The following SYNDIG1L variants were observed in gnomAD, a reference collection of about 807,000 sequenced individuals.
The protein encoded by SYNDIG1L is synapse differentiation inducing 1 like, also known as synapse differentiation-inducing gene protein 1-like.
SYNDIG1L carries 13 observed loss-of-function variants against 20.1 expected under a neutral mutation model. The observed-to-expected ratio is 0.65, with a 90% CI of 0.42 to 1.03. The LOEUF is 1.03. SYNDIG1L is among the 50% of genes least tolerant of loss of function. The pLI is 0.00. For missense variants in SYNDIG1L, 294 were observed against 305.1 expected (o/e 0.96, Z 0.27); for synonymous variants, 128 against 129.3 (o/e 0.99, Z 0.07).
At chr14:74,479,791 A>T in the SYNDIG1L span, 1 of 232,542 alleles carries the variant, frequency 4.3e-6, no homozygotes, top group Non-Finnish European at 8.5e-6. Flanking sequence ...TATAAAATAG[A>T]TATGGTCTTA....
the SYNDIG1L span, among the ~76,000 whole-genome samples, chr14:74,456,092 C>T: frequency 2.0e-5 from 3 of 152,222 alleles, no homozygotes; most frequent in Non-Finnish European, 4.4e-5. Context: ...CAGCTCTCTT[C>T]ACCAGATTGA....
At chr14:74,416,503 G>A (rs904262446) in intron 1 of SYNDIG1L, among the ~76,000 whole-genome samples, 1 of 152,034 alleles carries the variant, frequency 6.6e-6, no homozygotes, top group Non-Finnish European at 1.5e-5. Flanking sequence ...GTGTGGTGGT[G>A]CACACCTGTA....
rs1163349487 is a variant in SYNDIG1L, at chr14:74,426,111, C to A, written c.-257G>T. 1 of 148,368 alleles carries A rather than the reference C, an allele frequency of 6.7e-6. No individual in the cohort carries two copies. Among genetic ancestry groups the A allele is most frequent in the Non-Finnish European group, 1.5e-5 (1 of 66,338 alleles). 9.2% of individuals were successfully genotyped at this position (148,368 alleles called of 1,614,324 possible). On this transcript the variant is annotated 5_prime_UTR_variant, in exon 1 of 4. Coordinates refer to ENST00000331628, the MANE Select transcript of SYNDIG1L (RefSeq NM_001105579.2). ...CGCAGCCCGCCGCCGCCGCCCGCCC[C>A]GCCCCGCGCGGTCCCGGGAGCCCCG... is the stretch of plus-strand genomic sequence containing the variant.
At chr14:74,476,365 T>C in the SYNDIG1L span, 1 of 720,580 alleles carries the variant, frequency 1.4e-6, no homozygotes, top group Non-Finnish European at 2.5e-6. Context: ...CAGTCAGAGC[T>C]AAGCTGATCT....
In SYNDIG1L at chr14:74,414,842, C is replaced by T. The variant is rs544124277; in HGVS notation, c.-57-5041G>A. Among the ~76,000 whole-genome samples, 13 of 152,186 alleles carry T rather than the reference C, an allele frequency of 8.5e-5. No individual in the cohort carries two copies. The South Asian group carries it at 1.0e-3, about 12-fold the overall frequency. The stretch of plus-strand genomic sequence containing the variant: ...CAGACTAAGTCATGTCACGCCAAAC[C>T]GCCAATAACAGCTAGAAAAGTGGTG... On this transcript the variant is annotated intron_variant, in intron 1 of 3. Transcript: ENST00000331628.
At chr14:74,476,441 G>A in the SYNDIG1L span, 119 of 1,185,672 alleles carry the variant, frequency 1.0e-4, 2 homozygotes, top group East Asian at 5.1e-4. Context: ...GAAGGGAGCC[G>A]TCCTTCTCCA....
At chr14:74,446,257 A>T in the SYNDIG1L span, among the ~76,000 whole-genome samples, 2 of 152,348 alleles carry the variant, frequency 1.3e-5, no homozygotes, top group East Asian at 3.9e-4. Context: ...CAGCCTAAAT[A>T]TTCCAAGGTC....
At chr14:74,431,155 C>A (rs1289008460), upstream of SYNDIG1L, among the ~76,000 whole-genome samples, 2 of 152,070 alleles carry the variant, frequency 1.3e-5, no homozygotes, top group Non-Finnish European at 2.9e-5. Flanking sequence ...CCTGCAAATC[C>A]CTGATTGGAG....
In SYNDIG1L at chr14:74,407,473, A is replaced by C; in HGVS notation, c.*62T>G. On this transcript the variant is annotated 3_prime_UTR_variant, in exon 4 of 4. Coordinates refer to ENST00000331628, the MANE Select transcript of SYNDIG1L (RefSeq NM_001105579.2). Reference sequence around the variant, plus strand: ...GCCGGGCCTTTCCATAGGGTCTGCAACTCCAAGCCCCACTGCTTCCTCAGG... The same window carrying C: ...GCCGGGCCTTTCCATAGGGTCTGCACCTCCAAGCCCCACTGCTTCCTCAGG... 5.0e-6 allele frequency: 8 copies of C among 1,605,094 alleles called. No individual in the cohort carries two copies. The highest frequency in any genetic ancestry group is 6.8e-6 in the Non-Finnish European group (8 of 1,178,182).
chr14:74,431,322 T>C, the SYNDIG1L span, among the ~76,000 whole-genome samples: 4 of 152,116 alleles, frequency 2.6e-5, no homozygotes, highest in Non-Finnish European at 5.9e-5. Context: ...TCTCCCTCTG[T>C]GTAAAGGGAA....
the SYNDIG1L span, among the ~76,000 whole-genome samples, chr14:74,450,223 T>C: frequency 6.6e-6 from 1 of 152,164 alleles, no homozygotes; most frequent in Non-Finnish European, 1.5e-5. Flanking sequence ...AATTTGCAGT[T>C]AAAAATCTTC....
At chr14:74,472,086 C>G in the SYNDIG1L span, 1 of 152,170 alleles carries the variant, frequency 6.6e-6, no homozygotes, top group African/African-American at 2.4e-5. Context: ...TTTTGTATCC[C>G]TGGCATACTA....
chr14:74,433,426 C>G, the SYNDIG1L span, among the ~76,000 whole-genome samples: 3 of 152,120 alleles, frequency 2.0e-5, no homozygotes, highest in East Asian at 5.8e-4. Context: ...CTCTGTCACC[C>G]AGGCTGGAGT....
chr14:74,433,662 GGC>G, the SYNDIG1L span, among the ~76,000 whole-genome samples: 1 of 152,198 alleles, frequency 6.6e-6, no homozygotes, highest in Non-Finnish European at 1.5e-5. Flanking sequence ...TGGGATTACA[GGC>G]GGGAGCCACT....
chr14:74,433,126 A>AGGT, the SYNDIG1L span, among the ~76,000 whole-genome samples: 247 of 152,290 alleles, frequency 1.6e-3, no homozygotes, highest in African/African-American at 5.8e-3. Flanking sequence ...ACAATCATTG[A>AGGT]GATCTCTAAC....
chr14:74,437,344 G>A, the SYNDIG1L span, among the ~76,000 whole-genome samples: 1 of 152,178 alleles, frequency 6.6e-6, no homozygotes, highest in Non-Finnish European at 1.5e-5. Context: ...AATCGATCAT[G>A]AACAACAGTG....
At chr14:74,454,511 G>A in the SYNDIG1L span, among the ~76,000 whole-genome samples, 2 of 152,314 alleles carry the variant, frequency 1.3e-5, no homozygotes, top group Admixed American at 6.5e-5. Context: ...GAGCAGCCCT[G>A]AGAAGCTGGA....
intron 2 of SYNDIG1L, among the ~76,000 whole-genome samples, chr14:74,408,480 C>T (rs1241307598): frequency 1.3e-5 from 2 of 151,788 alleles, no homozygotes; most frequent in Admixed American, 6.6e-5. Flanking sequence ...AGGAGAATTG[C>T]CTGAACCTGG....
At chr14:74,462,673 T>C in the SYNDIG1L span, among the ~76,000 whole-genome samples, 6 of 151,928 alleles carry the variant, frequency 3.9e-5, no homozygotes, top group African/African-American at 1.5e-4. Flanking sequence ...GCTGGGCTAA[T>C]TTTTGTATTT....
Sources: allele counts gnomAD v4.1 joint callset (sites outside exome capture counted in the v4.1 genomes callset), GRCh38; gene constraint gnomAD v4.1.1; transcripts MANE v1.5; gene names NCBI Gene and HGNC (gene_info 2026-07-23, HGNC 2026-07-21).